WWOX: variants seen among roughly 807,000 people sequenced by gnomAD.
WWOX encodes WW domain-containing oxidoreductase.
Under a neutral mutation model 46.2 loss-of-function variants are expected in WWOX, and 69 were observed. The observed-to-expected ratio is 1.49, with a 90% CI of 1.23 to 1.82. WWOX has a LOEUF of 1.82. Among genes scored for constraint, WWOX ranks in the 40% most tolerant of loss-of-function variants. The pLI is 0.00. For synonymous variants in WWOX, 359 were observed against 202.6 expected, an observed-to-expected ratio of 1.77 and a Z score of -6.56; for missense variants, 919 against 542.6, an observed-to-expected ratio of 1.69 and a Z score of -6.89.
At chr16:78,101,367 G>T (rs62045088) in intron 1 of WWOX, among the ~76,000 whole-genome samples, 53 of 13,312 alleles carry the variant, frequency 4.0e-3, no homozygotes, top group African/African-American at 7.7e-3. Context: ...TTTTTTTAAA[G>T]ACAGGGTCTC....
chr16:78,427,464 C>A (rs943184884), intron 7 of WWOX, among the ~76,000 whole-genome samples: 1 of 152,108 alleles, frequency 6.6e-6, no homozygotes, highest in African/African-American at 2.4e-5. Flanking sequence ...TTGAACAACC[C>A]TCAATGGCTG....
intron 8 of WWOX, among the ~76,000 whole-genome samples, chr16:79,000,056 T>G (rs1177595473): frequency 6.6e-6 from 1 of 152,182 alleles, no homozygotes; most frequent in Non-Finnish European, 1.5e-5. Context: ...CGAAAGGGTC[T>G]CTTCAGGCTC....
At chr16:78,610,087 C>T (rs1484735146) in intron 8 of WWOX, among the ~76,000 whole-genome samples, 1 of 151,632 alleles carries the variant, frequency 6.6e-6, no homozygotes, top group Non-Finnish European at 1.5e-5. Context: ...AGCAAGGTTT[C>T]TTTGCTGGTC....
intron 8 of WWOX, among the ~76,000 whole-genome samples, chr16:78,724,029 A>G (rs1240488546): frequency 6.6e-6 from 1 of 152,124 alleles, no homozygotes; most frequent in East Asian, 1.9e-4. Flanking sequence ...GCATAGGACT[A>G]CATGTTTTCT....
At chr16:78,123,167 TTCTC>T (rs1023560272) in intron 4 of WWOX, 11 of 152,080 alleles carry the variant, frequency 7.2e-5, no homozygotes, top group African/African-American at 2.4e-4. Context: ...TTGTTTCTTT[TTCTC>T]TCTCTTTTGT....
At chr16:79,085,607 A>G (rs1021668059) in intron 8 of WWOX, among the ~76,000 whole-genome samples, 2 of 152,254 alleles carry the variant, frequency 1.3e-5, no homozygotes, top group Non-Finnish European at 2.9e-5. Context: ...AAAGTGGTCC[A>G]CATAGAAAAA....
intron 8 of WWOX, among the ~76,000 whole-genome samples, chr16:78,936,112 G>A (rs991072915): frequency 9.9e-5 from 15 of 151,992 alleles, no homozygotes; most frequent in Admixed American, 7.9e-4. Flanking sequence ...AAAGAAGGAG[G>A]TAATGATGAG....
At chr16:78,921,448 C>T (rs896718446) in intron 8 of WWOX, among the ~76,000 whole-genome samples, 3 of 152,168 alleles carry the variant, frequency 2.0e-5, no homozygotes, top group African/African-American at 7.2e-5. Context: ...GCTGCAAAAT[C>T]ATAGTAACAA....
chr16:78,334,033 C>T (rs1245566443), intron 5 of WWOX, among the ~76,000 whole-genome samples: 4 of 152,142 alleles, frequency 2.6e-5, no homozygotes, highest in African/African-American at 9.7e-5. Flanking sequence ...TGTAAATCCC[C>T]TCGTCCTCCA....
At chr16:78,133,969 C>T (rs959390759) in intron 4 of WWOX, among the ~76,000 whole-genome samples, 2 of 152,192 alleles carry the variant, frequency 1.3e-5, no homozygotes, top group Non-Finnish European at 2.9e-5. Flanking sequence ...AGATTTTGTG[C>T]CTCTTGCACA....
At chr16:78,419,575 A>G (rs2082875007) in intron 6 of WWOX, among the ~76,000 whole-genome samples, 1 of 150,456 alleles carries the variant, frequency 6.6e-6, no homozygotes, top group African/African-American at 2.5e-5. Context: ...AGCCCCATGC[A>G]AAAGAATGAG....
intron 8 of WWOX, among the ~76,000 whole-genome samples, chr16:78,807,393 A>G (rs2142688997): frequency 6.6e-6 from 1 of 152,362 alleles, no homozygotes; most frequent in East Asian, 1.9e-4. Context: ...TGTTCTTCTA[A>G]GCTTGAACAC....
chr16:78,259,428 G>A (rs2038220492), intron 5 of WWOX, among the ~76,000 whole-genome samples: 1 of 152,150 alleles, frequency 6.6e-6, no homozygotes, highest in African/African-American at 2.4e-5. Context: ...CCGGGTTCAA[G>A]CAATTCTCCT....
chr16:78,316,843 A>G (rs985451117), intron 5 of WWOX, among the ~76,000 whole-genome samples: 2 of 152,198 alleles, frequency 1.3e-5, no homozygotes, highest in South Asian at 2.1e-4. Flanking sequence ...TGATAGATGT[A>G]TACCATTCAG....
At chr16:78,915,733 C>T (rs928350697) in intron 8 of WWOX, among the ~76,000 whole-genome samples, 3 of 152,062 alleles carry the variant, frequency 2.0e-5, no homozygotes, top group Non-Finnish European at 2.9e-5. Context: ...ATCCCGTCAT[C>T]TGCCTTGATC....
rs1450395992 is a variant in WWOX, at chr16:78,341,258, G to A, written c.517-45602G>A. Among the ~76,000 whole-genome samples, 8 of 118,724 alleles carry A rather than the reference G, an allele frequency of 6.7e-5. 2 individuals carry two copies. Among genetic ancestry groups the A allele is most frequent in the South Asian group, 2.5e-4 (1 of 3,944 alleles). 77.9% of individuals were successfully genotyped at this position (118,724 alleles called of 152,430 possible). On this transcript the variant is annotated intron_variant, in intron 5 of 8. Transcript: ENST00000566780. ...TGGGCTCAAGTTACCTCTCACCTTG[G>A]CCTCCCAAACTGCTGGGATTATAGG... is the stretch of plus-strand genomic sequence containing the variant.
chr16:78,445,055 G>C (rs546575935), intron 8 of WWOX, among the ~76,000 whole-genome samples: 1 of 152,094 alleles, frequency 6.6e-6, no homozygotes, highest in African/African-American at 2.4e-5. Context: ...TCACCTAATC[G>C]TGTAGTGAGC....
chr16:78,921,424 C>G (rs144867452), intron 8 of WWOX, among the ~76,000 whole-genome samples: 1 of 152,130 alleles, frequency 6.6e-6, no homozygotes, highest in African/African-American at 2.4e-5. Flanking sequence ...TAGATAGAAT[C>G]CTGAAGCATT....
intron 8 of WWOX, among the ~76,000 whole-genome samples, chr16:79,086,897 CAA>C (rs1366417102): frequency 2.6e-5 from 4 of 152,070 alleles, no homozygotes; most frequent in African/African-American, 9.7e-5. Context: ...CAAAATAAAA[CAA>C]AGAGTTTATG....
Sources: allele counts gnomAD v4.1 joint callset (sites outside exome capture counted in the v4.1 genomes callset), GRCh38; gene constraint gnomAD v4.1.1; transcripts MANE v1.5; gene names NCBI Gene and HGNC (gene_info 2026-07-23, HGNC 2026-07-21).